Variants in PLCG2 observed in about 807,000 individuals in gnomAD.
The protein encoded by PLCG2 is 1-phosphatidylinositol 4,5-bisphosphate phosphodiesterase gamma-2.
PLCG2 carries 69 observed loss-of-function variants against 175.6 expected under a neutral mutation model. That is an observed-to-expected ratio of 0.39 (90% confidence interval 0.32 to 0.48). The LOEUF is 0.48. Ranked by LOEUF, PLCG2 falls within the 20% of genes least tolerant of loss-of-function variation. PLCG2 has a pLI of 0.91. For missense variants in PLCG2, 1,798 were observed against 1,650.9 expected (o/e 1.09, Z -1.54); for synonymous variants, 827 against 624.0 (o/e 1.33, Z -4.85).
rs536004228 is a variant in PLCG2, at chr16:81,882,389, C to G, written c.693-880C>G. 2.2e-4 allele frequency among the ~76,000 whole-genome samples: 33 copies of G among 152,194 alleles called. No homozygotes were observed. In the South Asian group the frequency reaches 6.4e-3, roughly 30 times the overall value. ...CTGCAGTTAATTTTGCCCTGATGGC[C>G]TGGAGTCTGGTGGGGCCTCATGTGG... On this transcript the variant is annotated intron_variant, in intron 8 of 32. Coordinates refer to ENST00000564138, the MANE Select transcript of PLCG2 (RefSeq NM_002661.5).
chr16:81,894,427 T>A (rs1242230902), intron 12 of PLCG2, among the ~76,000 whole-genome samples: 1 of 152,074 alleles, frequency 6.6e-6, no homozygotes, highest in Non-Finnish European at 1.5e-5. Context: ...AGACTCTGTG[T>A]CTAAACTGAA....
At chr16:81,877,182 C>T (rs531258374) in intron 7 of PLCG2, among the ~76,000 whole-genome samples, 26 of 152,302 alleles carry the variant, frequency 1.7e-4, no homozygotes, top group Admixed American at 8.5e-4. Flanking sequence ...GTGTCGGGCA[C>T]GGTGGCTCAC....
chr16:81,946,281 A>G lies in PLCG2; in HGVS notation c.3570+18A>G. The G allele has an allele frequency of 6.3e-7, 1 of 1,588,582 alleles. No individual in the cohort carries two copies. The highest frequency in any genetic ancestry group is 8.6e-7 in the Non-Finnish European group (1 of 1,156,834). ...CAGTCCTGGTGAGTGGAGAAACACC[A>G]GTTAAGGGTTCCCTGAGCTATGCCT... On this transcript the variant is annotated intron_variant, in intron 31 of 32. Transcript: ENST00000564138.
At chr16:81,809,085 C>A (rs1904296487) in intron 2 of PLCG2, among the ~76,000 whole-genome samples, 1 of 152,178 alleles carries the variant, frequency 6.6e-6, no homozygotes, top group South Asian at 2.1e-4. Context: ...GGAACCTGTG[C>A]TAAGCCAGGC....
intron 7 of PLCG2, among the ~76,000 whole-genome samples, chr16:81,874,041 C>T (rs535535276): frequency 5.9e-5 from 9 of 152,312 alleles, no homozygotes; most frequent in Non-Finnish European, 1.0e-4. Context: ...GGCAAAGATT[C>T]TGCCGATACC....
chr16:81,771,552 C>T (rs1452397903), intron 2 of PLCG2, among the ~76,000 whole-genome samples: 1 of 152,090 alleles, frequency 6.6e-6, no homozygotes, highest in African/African-American at 2.4e-5. Context: ...TGATTTGTCC[C>T]TCTAATTCAG....
intron 7 of PLCG2, among the ~76,000 whole-genome samples, chr16:81,880,487 A>G (rs1239534652): frequency 2.0e-5 from 3 of 152,236 alleles, no homozygotes; most frequent in African/African-American, 4.8e-5. Flanking sequence ...ATCAAGTGAC[A>G]TGCTTATTGT....
Position 81,934,469 on chromosome 16 carries a change from C to T in PLCG2, c.2780C>T (p.Ala927Val). 1 of 1,613,440 alleles carries T rather than the reference C, an allele frequency of 6.2e-7. No homozygotes were observed. Among genetic ancestry groups the T allele is most frequent in the Non-Finnish European group, 8.5e-7 (1 of 1,179,638 alleles). Residue 927 changes from alanine to valine, a missense_variant, in exon 26 of 33, where the codon GCC becomes GTC. Transcript: ENST00000564138. ...TACTGGGAGAAGAACCAGTCCATCG[C>T]CATCGAGCTCTCTGACCTGGTTGTC... ...MKYWEKNQSI[A>V]IELSDLVVYC...
chr16:81,936,600 TA>T (rs1358887809), intron 27 of PLCG2, among the ~76,000 whole-genome samples: 1 of 150,146 alleles, frequency 6.7e-6, no homozygotes, highest in Non-Finnish European at 1.5e-5. Flanking sequence ...TTCGTGATTG[TA>T]AGTAAGTGAC....
intron 25 of PLCG2, among the ~76,000 whole-genome samples, chr16:81,934,060 TGAA>T (rs935572097): frequency 1.1e-4 from 17 of 152,084 alleles, no homozygotes; most frequent in African/African-American, 3.9e-4. Context: ...CCCGAGGATT[TGAA>T]GAACTAGAAT....
chr16:81,787,993 C>T (rs1201623648), intron 2 of PLCG2, among the ~76,000 whole-genome samples: 4 of 152,240 alleles, frequency 2.6e-5, no homozygotes, highest in African/African-American at 9.6e-5. Flanking sequence ...GTTGTTGCCA[C>T]CTTTTGGCTA....
chr16:81,931,489 A>G lies in PLCG2; in HGVS notation c.2582-8A>G, dbSNP rs1266060941. On this transcript the variant is annotated splice_polypyrimidine_tract_variant and splice_region_variant and intron_variant, in intron 24 of 32. Coordinates refer to ENST00000564138, the MANE Select transcript of PLCG2 (RefSeq NM_002661.5). Reference sequence around the variant, plus strand: ...TGATTGGGACATTTCTTATTCTCTTACCCCAAGTGAAAGCCCCTCAGGGAA... The same window carrying G: ...TGATTGGGACATTTCTTATTCTCTTGCCCCAAGTGAAAGCCCCTCAGGGAA... 6.2e-7 allele frequency: 1 copy of G among 1,613,210 alleles called. No individual in the cohort carries two copies. The highest frequency in any genetic ancestry group is 8.5e-7 in the Non-Finnish European group (1 of 1,179,536).
In PLCG2 at chr16:81,803,142, G is replaced by A. The variant is rs141013922; in HGVS notation, c.193+16960G>A. 2.5e-3 allele frequency among the ~76,000 whole-genome samples: 335 copies of A among 134,470 alleles called. 1 individual carries two copies. Among genetic ancestry groups the A allele is most frequent in the African/African-American group, 7.9e-3 (288 of 36,658 alleles). 88.2% of individuals were successfully genotyped at this position (134,470 alleles called of 152,430 possible). On this transcript the variant is annotated intron_variant, in intron 2 of 32. Coordinates refer to ENST00000564138, the MANE Select transcript of PLCG2 (RefSeq NM_002661.5). ...TTTTTTTTTTTTTTTTTTGTGAGAC[G>A]GAATCTCACTCTGTCGCCCAGGCTG...
chr16:81,846,189 G>C (rs1906105518), intron 2 of PLCG2, among the ~76,000 whole-genome samples: 2 of 152,030 alleles, frequency 1.3e-5, no homozygotes, highest in South Asian at 4.2e-4. Context: ...CTAGGAGGTT[G>C]TAGTGGCTGT....
rs570834489 is a variant in PLCG2, at chr16:81,875,552, G to C, written c.648+4617G>C. 1.2e-4 allele frequency among the ~76,000 whole-genome samples: 19 copies of C among 152,280 alleles called. No individual in the cohort carries two copies. The South Asian group carries it at 3.9e-3, about 32-fold the overall frequency. ...AACAGACCCCCATGTATCATCAGCT[G>C]ACTTCAGCCATTATCACCTTGTCAC... On this transcript the variant is annotated intron_variant, in intron 7 of 32. Coordinates refer to ENST00000564138, the MANE Select transcript of PLCG2 (RefSeq NM_002661.5).
intron 23 of PLCG2, 115 bp downstream of exon 23, chr16:81,927,293 T>C (rs934804775): frequency 1.4e-6 from 1 of 720,656 alleles, no homozygotes; most frequent in African/African-American, 1.7e-5. Flanking sequence ...GTGGTCTCTG[T>C]GGAGCTCTGG....
At chr16:81,919,367 A>G in intron 19 of PLCG2, 117 bp from the exon 20 acceptor site, 1 of 731,604 alleles carries the variant, frequency 1.4e-6, no homozygotes, top group Non-Finnish European at 2.4e-6. Context: ...TACCCTGTTT[A>G]TTTACCCACT....
chr16:81,803,514 T>C (rs1482833503), intron 2 of PLCG2, among the ~76,000 whole-genome samples: 1 of 134,322 alleles, frequency 7.4e-6, no homozygotes, highest in East Asian at 2.0e-4. Flanking sequence ...TCATTTTCTT[T>C]GTTCTTTCTT....
chr16:81,773,854 T>C (rs1366903061), intron 2 of PLCG2, among the ~76,000 whole-genome samples: 1 of 152,160 alleles, frequency 6.6e-6, no homozygotes. Context: ...GAACCAGCTC[T>C]GTCTCACTCC....
Sources: gnomAD v4.1 joint callset for allele counts (sites outside exome capture counted in the v4.1 genomes callset) on GRCh38, gnomAD v4.1.1 for gene constraint, MANE v1.5 for transcripts, NCBI Gene and HGNC (gene_info 2026-07-23, HGNC 2026-07-21) for gene names.